The following CLN6 variants were observed in gnomAD, a reference collection of about 807,000 sequenced individuals.
CLN6 encodes the protein CLN6 transmembrane ER protein, also known as ceroid-lipofuscinosis neuronal protein 6.
CLN6 carries 22 observed loss-of-function variants against 33.3 expected under a neutral mutation model. The observed-to-expected ratio is 0.66, with a 90% CI of 0.47 to 0.94. The LOEUF is 0.94. Among genes scored for constraint, CLN6 ranks in the 40% least tolerant of loss-of-function variants. The pLI, the probability that CLN6 is intolerant of heterozygous loss-of-function variation, is 0.00. For synonymous variants in CLN6, 201 were observed against 174.6 expected, an observed-to-expected ratio of 1.15 and a Z score of -1.19; for missense variants, 387 against 417.1, an observed-to-expected ratio of 0.93 and a Z score of 0.63.
chr15:68,249,834 C>T (rs572962613), intron 1 of CLN6, among the ~76,000 whole-genome samples: 4 of 152,240 alleles, frequency 2.6e-5, no homozygotes, highest in Admixed American at 1.3e-4. Context: ...AGTGCAATGG[C>T]GTGATCTCGG....
chr15:68,207,162 T>G lies in CLN6; in HGVS notation c.*978A>C, dbSNP rs926528248. ...AGGTAGGGGGAGGTTCCTCCTCCCT[T>G]GAAACCCTGGGCCACTCTGTCAAGG... On this transcript the variant is annotated 3_prime_UTR_variant, in exon 7 of 7. Coordinates refer to ENST00000249806, the MANE Select transcript of CLN6 (RefSeq NM_017882.3). The G allele has an allele frequency of 6.6e-6, 1 of 152,212 alleles. No individual in the cohort carries two copies. Among genetic ancestry groups the G allele is most frequent in the South Asian group, 2.1e-4 (1 of 4,828 alleles). The allele number at this position is 152,212 out of a possible 1,614,324, so 9.4% of individuals were successfully genotyped here.
chr15:68,218,715 G>T (rs758749894), intron 1 of CLN6, 65 bp from the exon 2 acceptor site: 16 of 1,216,530 alleles, frequency 1.3e-5, no homozygotes, highest in Non-Finnish European at 1.9e-5. Context: ...CTTCCCCTGA[G>T]ATTAGCCACA....
intron 3 of CLN6, chr15:68,212,890 A>G (rs1317282970): frequency 6.6e-6 from 1 of 152,204 alleles, no homozygotes; most frequent in Non-Finnish European, 1.5e-5. Flanking sequence ...AATTTTGTAC[A>G]TGAAACAAAG....
At chr15:68,243,087 CT>C (rs1008811037) in intron 1 of CLN6, among the ~76,000 whole-genome samples, 1 of 152,148 alleles carries the variant, frequency 6.6e-6, no homozygotes, top group Non-Finnish European at 1.5e-5. Context: ...AGAAATACGG[CT>C]TTTGTTAAAG....
At chr15:68,248,472 C>T (rs1450145724) in intron 1 of CLN6, 1 of 151,978 alleles carries the variant, frequency 6.6e-6, no homozygotes, top group Non-Finnish European at 1.5e-5. Context: ...ACGGTGAAAC[C>T]CCGTCTCCAC....
intron 1 of CLN6, among the ~76,000 whole-genome samples, chr15:68,249,909 A>T (rs1258677492): frequency 2.0e-5 from 3 of 152,030 alleles, no homozygotes; most frequent in Non-Finnish European, 2.9e-5. Flanking sequence ...AGTAGCTGGG[A>T]TTACAGGTGC....
Position 68,236,939 on chromosome 15 carries a change from T to C in CLN6, c.180-18289A>G, listed in dbSNP as rs951071871. Among the ~76,000 whole-genome samples, 2 of 150,336 alleles carry C rather than the reference T, an allele frequency of 1.3e-5. No homozygotes were observed. Among genetic ancestry groups the C allele is most frequent in the African/African-American group, 4.9e-5 (2 of 40,864 alleles). Reference sequence around the variant, plus strand: ...TTGGGAGGCCGAGGCGGGTGGATCATGAGGTCAGGAGATCGAGACCATCCT... The same window carrying C: ...TTGGGAGGCCGAGGCGGGTGGATCACGAGGTCAGGAGATCGAGACCATCCT... On this transcript the variant is annotated intron_variant, in intron 1 of 6. Coordinates refer to the CLN6 transcript ENST00000538696. This position sits in a 1 kb window ranked among gnomAD's most constrained non-coding sequence, Gnocchi z 4.5.
At chr15:68,221,216 C>T (rs1472458618) in intron 1 of CLN6, among the ~76,000 whole-genome samples, 2 of 127,498 alleles carry the variant, frequency 1.6e-5, no homozygotes, top group African/African-American at 5.7e-5. Context: ...AGGGATCTCC[C>T]TCCCCCCTCC....
chr15:68,243,770 A>AAC (rs1892299286), intron 1 of CLN6, among the ~76,000 whole-genome samples: 3 of 149,730 alleles, frequency 2.0e-5, no homozygotes, highest in African/African-American at 7.4e-5. Context: ...AAAAAAAAAA[A>AAC]CACAAAAAAA....
At chr15:68,217,989 G>A (rs2093225209) in intron 2 of CLN6, 2 of 158,116 alleles carry the variant, frequency 1.3e-5, no homozygotes, top group Non-Finnish European at 2.8e-5. Context: ...TGTCTGTGGA[G>A]GCCACCACTG....
chr15:68,256,719 C>T lies in CLN6; in HGVS notation c.150G>A (p.Ser50=), dbSNP rs1163266264. 1.5e-6 allele frequency: 1 copy of T among 681,622 alleles called. No homozygotes were observed. The highest frequency in any genetic ancestry group is 1.8e-5 in the African/African-American group (1 of 55,910). The allele number at this position is 681,622 out of a possible 1,614,324, so 42.2% of individuals were successfully genotyped here. The change falls in exon 1 of 7, where the codon TCG becomes TCA. Residue 50 remains serine (S), a synonymous_variant. Transcript: ENST00000538696. The surrounding 1 kb of genome is among the most constrained non-coding windows in gnomAD (Gnocchi z 4.1). ...TACCTTTGAATTTGAGTTTTCTCAG[C>T]GAAGTCTCACAGGACAATGGCGCCT...
At chr15:68,254,948 A>C in intron 1 of CLN6, 1 of 944,552 alleles carries the variant, frequency 1.1e-6, no homozygotes. Flanking sequence ...GTGACTGTAC[A>C]GTTTGAAATG....
chr15:68,242,841 G>T lies in CLN6; in HGVS notation c.179+13849C>A, dbSNP rs539331502. Among the ~76,000 whole-genome samples, 4 of 152,308 alleles carry T rather than the reference G, an allele frequency of 2.6e-5. No homozygotes were observed. The South Asian group carries it at 8.3e-4, about 32-fold the overall frequency. On this transcript the variant is annotated intron_variant, in intron 1 of 6. Coordinates refer to the CLN6 transcript ENST00000538696. The surrounding 1 kb of genome is among the most constrained non-coding windows in gnomAD (Gnocchi z 5.0). ...GATGATAGGTAAGGCCTGGGGACAT[G>T]TGGAGAGCCATGCCCACCAGCTATG...
chr15:68,239,314 T>TA (rs998049031), intron 1 of CLN6, among the ~76,000 whole-genome samples: 32 of 146,654 alleles, frequency 2.2e-4, no homozygotes, highest in African/African-American at 5.2e-4. Context: ...AGACCTAAAT[T>TA]AAAAAAAAAA....
At position 68,211,243 on chromosome 15, in the gene CLN6, C is replaced by T. The variant is rs776617600; in HGVS notation, c.542+20G>A. The T allele has an allele frequency of 1.9e-6, 3 of 1,612,926 alleles. No individual in the cohort carries two copies. Among genetic ancestry groups the T allele is most frequent in the Non-Finnish European group, 2.5e-6 (3 of 1,179,022 alleles). ...CGGTAGTTGGGGCCCCTGGGATAGACAGATGGGCCCATCACTCACCACATG... is the reference window on the plus strand; with the variant it reads ...CGGTAGTTGGGGCCCCTGGGATAGATAGATGGGCCCATCACTCACCACATG... On this transcript the variant is annotated intron_variant, in intron 5 of 6. Transcript: ENST00000249806. This position sits in a 1 kb window ranked among gnomAD's most constrained non-coding sequence, Gnocchi z 5.9.
At chr15:68,243,906 A>G (rs1453871777) in intron 1 of CLN6, among the ~76,000 whole-genome samples, 1 of 151,892 alleles carries the variant, frequency 6.6e-6, no homozygotes, top group East Asian at 1.9e-4. Flanking sequence ...TACTAAAAAT[A>G]CAAAAAAAAT....
intron 1 of CLN6, among the ~76,000 whole-genome samples, 152 bp downstream of exon 1, chr15:68,229,349 TA>T (rs879823410): frequency 6.6e-6 from 1 of 152,130 alleles, no homozygotes; most frequent in Non-Finnish European, 1.5e-5. Context: ...GCCGCCACGG[TA>T]GCGCGCCTCC....
Position 68,256,670 on chromosome 15 carries a change from CTCAT to C in CLN6, c.179+16_179+19del, listed in dbSNP as rs1214006074. 1 of 637,930 alleles carries C rather than the reference CTCAT, an allele frequency of 1.6e-6. No homozygotes were observed. The highest frequency in any genetic ancestry group is 2.8e-6 in the Non-Finnish European group (1 of 351,416). The allele number at this position is 637,930 out of a possible 1,614,324, so 39.5% of individuals were successfully genotyped here. A position where few individuals can be genotyped will look rare whatever the true frequency, so the allele number is the denominator to read the frequency against. The stretch of plus-strand genomic sequence containing the variant: ...TTCGCCCTTGGTTTAATGCGCTGCT[CTCAT>C]TGCCTTGAAACTTACTTTTTACCTT... On this transcript the variant is annotated intron_variant, in intron 1 of 6. Transcript: ENST00000538696. The surrounding 1 kb of genome is among the most constrained non-coding windows in gnomAD (Gnocchi z 4.1).
intron 1 of CLN6, among the ~76,000 whole-genome samples, chr15:68,226,630 C>A (rs1163108316): frequency 6.6e-6 from 1 of 151,920 alleles, no homozygotes; most frequent in Non-Finnish European, 1.5e-5. Flanking sequence ...CCATGCCTGG[C>A]TAATTTTTGT....
Sources: allele counts gnomAD v4.1 joint callset (sites outside exome capture counted in the v4.1 genomes callset), GRCh38; gene constraint gnomAD v4.1.1; non-coding constraint Gnocchi (gnomAD v3.1); transcripts MANE v1.5; gene names NCBI Gene and HGNC (gene_info 2026-07-23, HGNC 2026-07-21).